PRTFDC1: variants seen among roughly 807,000 people sequenced by gnomAD.
PRTFDC1 encodes phosphoribosyl transferase domain containing 1.
In PRTFDC1, 38 loss-of-function variants were observed where a neutral mutation model predicts 34.6. The ratio of observed to expected loss-of-function variants is 1.10; its 90% CI spans 0.85 to 1.44. The LOEUF (loss-of-function observed/expected upper bound fraction) is 1.44. Ranked by LOEUF, PRTFDC1 falls within the 40% of genes most tolerant of loss-of-function variation. The pLI is 0.00. For synonymous variants in PRTFDC1, 93 were observed against 98.1 expected (o/e 0.95, Z 0.31); for missense variants, 270 against 283.0 (o/e 0.95, Z 0.33).
Position 24,849,343 on chromosome 10 carries a change from T to C in PRTFDC1, c.*501A>G, listed in dbSNP as rs1379604681. On this transcript the variant is annotated 3_prime_UTR_variant, in exon 9 of 9. Transcript: ENST00000320152. Reference sequence around the variant, plus strand: ...GCACAAACAGAAATTTATATTAAATTGTCCTTTCCCTCCTTTTAAAATATG... The same window carrying C: ...GCACAAACAGAAATTTATATTAAATCGTCCTTTCCCTCCTTTTAAAATATG... 3 of 152,822 alleles carry C rather than the reference T, an allele frequency of 2.0e-5. No individual in the cohort carries two copies. The East Asian group carries it at 5.8e-4, about 29-fold the overall frequency. The allele number at this position is 152,822 out of a possible 1,614,324, so 9.5% of individuals were successfully genotyped here.
intron 6 of PRTFDC1, 150 bp from the exon 7 acceptor site, chr10:24,855,514 G>T (rs538590373): frequency 4.8e-6 from 4 of 842,072 alleles, no homozygotes; most frequent in Non-Finnish European, 3.7e-6. Context: ...AAGACAGCAG[G>T]TCAGGCACAG....
intron 1 of PRTFDC1, among the ~76,000 whole-genome samples, chr10:24,942,709 G>T (rs976395976): frequency 6.6e-6 from 1 of 152,160 alleles, no homozygotes; most frequent in Non-Finnish European, 1.5e-5. Context: ...GTGCAGTGGG[G>T]TGATCTCAGC....
At chr10:24,925,702 A>C (rs1447435561) in intron 3 of PRTFDC1, among the ~76,000 whole-genome samples, 2 of 152,196 alleles carry the variant, frequency 1.3e-5, no homozygotes, top group African/African-American at 4.8e-5. Context: ...TAACACATAC[A>C]CTTTCTTGTG....
intron 1 of PRTFDC1, among the ~76,000 whole-genome samples, chr10:24,950,285 G>C (rs973471622): frequency 6.6e-6 from 1 of 152,054 alleles, no homozygotes; most frequent in Non-Finnish European, 1.5e-5. Flanking sequence ...GATCAGATGC[G>C]TTTCCAATTT....
intron 3 of PRTFDC1, among the ~76,000 whole-genome samples, chr10:24,881,258 T>C (rs1588588541): frequency 6.6e-6 from 1 of 151,720 alleles, no homozygotes; most frequent in East Asian, 1.9e-4. Flanking sequence ...TTTTTAGAGA[T>C]GGGGTCTTAC....
Position 24,849,764 on chromosome 10 carries a change from G to C in PRTFDC1, c.*80C>G. 7.2e-7 allele frequency: 1 copy of C among 1,395,344 alleles called. No homozygotes were observed. The highest frequency in any genetic ancestry group is 1.0e-6 in the Non-Finnish European group (1 of 984,428). 86.4% of individuals were successfully genotyped at this position (1,395,344 alleles called of 1,614,324 possible). On this transcript the variant is annotated 3_prime_UTR_variant, in exon 9 of 9. Coordinates refer to ENST00000320152, the MANE Select transcript of PRTFDC1 (RefSeq NM_020200.7). ...CCTGCTGAGTGAAGATGCCTGGGGG[G>C]ACAAACTTGACAGCTGGCTTCCCAA...
In PRTFDC1 at chr10:24,937,286, G is replaced by A. The variant is rs1849067317; in HGVS notation, c.237C>T (p.Tyr79=). ...GTTCTACGAGATCAGCACAGAATTT[G>A]TAACCTCCTTTAAGCACACACAGGA... ...IMVLCVLKGG[Y]KFCADLVEHL... The change falls in exon 3 of 9, where the codon TAC becomes TAT. Residue 79 remains tyrosine (Y), a synonymous_variant. Transcript: ENST00000320152. 8.1e-6 allele frequency: 13 copies of A among 1,613,826 alleles called. 1 individual carries two copies. Among genetic ancestry groups the A allele is most frequent in the Non-Finnish European group, 7.6e-6 (9 of 1,179,968 alleles).
intron 4 of PRTFDC1, among the ~76,000 whole-genome samples, chr10:24,860,760 T>C (rs1412760682): frequency 6.6e-6 from 1 of 152,190 alleles, no homozygotes; most frequent in Non-Finnish European, 1.5e-5. Context: ...GGGAGTCCTC[T>C]TGGTATTTTC....
At chr10:24,877,111 G>C (rs189138668) in intron 3 of PRTFDC1, among the ~76,000 whole-genome samples, 1 of 152,132 alleles carries the variant, frequency 6.6e-6, no homozygotes, top group African/African-American at 2.4e-5. Context: ...CTCAGTGATA[G>C]TCCCCTCCAC....
intron 3 of PRTFDC1, among the ~76,000 whole-genome samples, chr10:24,936,549 G>A (rs1443399077): frequency 1.3e-5 from 2 of 152,202 alleles, no homozygotes; most frequent in Non-Finnish European, 2.9e-5. Context: ...GCCTCCCAAA[G>A]TGTTGGGATT....
intron 2 of PRTFDC1, among the ~76,000 whole-genome samples, chr10:24,939,446 T>C (rs1268601463): frequency 2.0e-5 from 3 of 151,806 alleles, no homozygotes; most frequent in Non-Finnish European, 1.5e-5. Context: ...GGTCTAAATA[T>C]AGCAATTAAA....
At chr10:24,853,672 T>C (rs1847529230) in intron 7 of PRTFDC1, among the ~76,000 whole-genome samples, 1 of 152,068 alleles carries the variant, frequency 6.6e-6, no homozygotes, top group Non-Finnish European at 1.5e-5. Flanking sequence ...ATAATGACTT[T>C]ATAGGGAGCA....
chr10:24,899,830 A>G (rs1024411967), intron 3 of PRTFDC1, among the ~76,000 whole-genome samples: 1 of 152,228 alleles, frequency 6.6e-6, no homozygotes, highest in Non-Finnish European at 1.5e-5. Context: ...AACAGCCAAC[A>G]ATGTTGCGGG....
At chr10:24,880,284 G>A (rs2132523487) in intron 3 of PRTFDC1, among the ~76,000 whole-genome samples, 1 of 143,756 alleles carries the variant, frequency 7.0e-6, no homozygotes, top group South Asian at 2.2e-4. Context: ...ACAGAGTCTT[G>A]CACTATTGCC....
intron 3 of PRTFDC1, among the ~76,000 whole-genome samples, chr10:24,917,536 T>A (rs545698123): frequency 2.0e-5 from 3 of 152,360 alleles, no homozygotes; most frequent in Admixed American, 6.5e-5. Context: ...TGTTCTCTGT[T>A]CTCGCTCTAT....
At chr10:24,890,747 A>G (rs781178732) in intron 3 of PRTFDC1, among the ~76,000 whole-genome samples, 18 of 152,222 alleles carry the variant, frequency 1.2e-4, no homozygotes, top group Non-Finnish European at 2.2e-4. Flanking sequence ...AAAGGCCAGA[A>G]GCAGGTTATA....
intron 3 of PRTFDC1, among the ~76,000 whole-genome samples, chr10:24,898,356 C>T (rs912600299): frequency 6.1e-5 from 9 of 146,942 alleles, no homozygotes; most frequent in African/African-American, 2.0e-4. Context: ...GTCAGCTACT[C>T]GGGAGGCTGA....
intron 2 of PRTFDC1, among the ~76,000 whole-genome samples, chr10:24,937,915 T>C (rs1360310956): frequency 2.0e-5 from 3 of 152,044 alleles, no homozygotes; most frequent in African/African-American, 7.2e-5. Flanking sequence ...TCAGAATATC[T>C]GGCATGCTCC....
At chr10:24,882,067 T>A (rs1848087630) in intron 3 of PRTFDC1, among the ~76,000 whole-genome samples, 1 of 151,510 alleles carries the variant, frequency 6.6e-6, no homozygotes, top group Non-Finnish European at 1.5e-5. Context: ...ATTAGCCAGG[T>A]GTGGTGGCAC....
Sources: allele counts gnomAD v4.1 joint callset (sites outside exome capture counted in the v4.1 genomes callset), GRCh38; gene constraint gnomAD v4.1.1; transcripts MANE v1.5; gene names NCBI Gene and HGNC (gene_info 2026-07-23, HGNC 2026-07-21).